Variants in NCAPG2 observed in about 807,000 individuals in gnomAD.
NCAPG2 encodes non-SMC condensin II complex subunit G2.
Under a neutral mutation model 141.1 loss-of-function variants are expected in NCAPG2, and 53 were observed. The ratio of observed to expected loss-of-function variants is 0.38; its 90% CI spans 0.30 to 0.47. The LOEUF (loss-of-function observed/expected upper bound fraction) is 0.47, where lower values mean the gene tolerates loss of function less well. NCAPG2 is among the 20% of genes least tolerant of loss of function. The pLI, the probability that NCAPG2 is intolerant of heterozygous loss-of-function variation, is 0.99. For missense variants in NCAPG2, 1,087 were observed against 1,389.0 expected (o/e 0.78, Z 3.46); for synonymous variants, 499 against 490.7 (o/e 1.02, Z -0.22).
At chr7:158,667,127 G>A (rs961557707) in intron 13 of NCAPG2, 33 of 984,634 alleles carry the variant, frequency 3.4e-5, no homozygotes, top group Admixed American at 1.2e-4. Flanking sequence ...TTGCATGCTC[G>A]TCACAAACCT....
chr7:158,641,623 A>G, intron 27 of NCAPG2: 3 of 486,258 alleles, frequency 6.2e-6, no homozygotes, highest in Non-Finnish European at 1.1e-5. Flanking sequence ...AAAACAAAGC[A>G]GGAGTAGTAG....
chr7:158,655,438 A>T lies in NCAPG2; in HGVS notation c.2406T>A (p.Leu802=). The change falls in exon 20 of 28, where the codon CTT becomes CTA. Residue 802 remains leucine (L), a synonymous_variant. Transcript: ENST00000356309. ...GAGGCTTCCCACCCGGTGTCTGCAG[A>T]AGTGACTCCAGATCTGCCTGTAATA... ...LETSKADLES[L]LQTPGGKPRG... is the part of the protein sequence containing the mutation. The T allele has an allele frequency of 3.7e-6, 6 of 1,614,062 alleles. No individual in the cohort carries two copies. The highest frequency in any genetic ancestry group is 5.1e-6 in the Non-Finnish European group (6 of 1,180,010).
chr7:158,686,152 A>G lies in NCAPG2; in HGVS notation c.837+20T>C. The G allele has an allele frequency of 6.9e-7, 1 of 1,448,478 alleles. No individual in the cohort carries two copies. The highest frequency in any genetic ancestry group is 9.4e-7 in the Non-Finnish European group (1 of 1,065,244). 89.7% of individuals were successfully genotyped at this position (1,448,478 alleles called of 1,614,324 possible). A position where few individuals can be genotyped will look rare whatever the true frequency, so the allele number is the denominator to read the frequency against. On this transcript the variant is annotated intron_variant, in intron 8 of 27. Coordinates refer to ENST00000356309, the MANE Select transcript of NCAPG2 (RefSeq NM_017760.7). ...AAATATAATAAAAATAAGTGTTAAC[A>G]TTTAAAAAAATGAAAATACCTCCAG...
chr7:158,646,411 G>T, intron 25 of NCAPG2, 49 bp downstream of exon 25: 1 of 1,378,906 alleles, frequency 7.3e-7, no homozygotes, highest in Non-Finnish European at 1.0e-6. Context: ...GCTGCTGAGC[G>T]CTTACAGCCA....
intron 24 of NCAPG2, among the ~76,000 whole-genome samples, chr7:158,649,524 T>A (rs1831320512): frequency 6.6e-6 from 1 of 152,032 alleles, no homozygotes; most frequent in African/African-American, 2.4e-5. Flanking sequence ...GGTCAAACAT[T>A]TTTTTTATCA....
chr7:158,688,864 G>A (rs990723029), intron 6 of NCAPG2, among the ~76,000 whole-genome samples: 8 of 152,190 alleles, frequency 5.3e-5, no homozygotes, highest in Non-Finnish European at 8.8e-5. Flanking sequence ...CTGAGCAGCT[G>A]TGACACCTGG....
chr7:158,677,491 C>T (rs1309213862), intron 11 of NCAPG2, among the ~76,000 whole-genome samples: 4 of 29,534 alleles, frequency 1.4e-4, no homozygotes, highest in Non-Finnish European at 2.7e-4. Flanking sequence ...TAAGAAAAAG[C>T]AAATAGGAAG....
intron 21 of NCAPG2, 171 bp from the exon 22 acceptor site, chr7:158,654,865 GA>G: frequency 1.3e-5 from 16 of 1,270,146 alleles, no homozygotes; most frequent in Non-Finnish European, 1.6e-5. Context: ...GTTTTTGTAA[GA>G]AATCTAGAGA....
intron 2 of NCAPG2, among the ~76,000 whole-genome samples, chr7:158,694,744 G>A (rs1227330771): frequency 1.3e-5 from 2 of 152,062 alleles, no homozygotes; most frequent in Non-Finnish European, 2.9e-5. Flanking sequence ...CTCTCTTCCT[G>A]CTCTCCTAGC....
chr7:158,677,524 G>GAAAAAAAAAAAAAAAA (rs1491491903), intron 11 of NCAPG2, among the ~76,000 whole-genome samples: 1 of 5,080 alleles, frequency 2.0e-4, no homozygotes, highest in Non-Finnish European at 4.1e-4. Flanking sequence ...TAAAAATAAA[G>GAAAAAAAAAAAAAAAA]CAAAAAAAAA....
intron 13 of NCAPG2, 109 bp downstream of exon 13, chr7:158,671,405 A>T: frequency 7.5e-7 from 1 of 1,334,698 alleles, no homozygotes; most frequent in Non-Finnish European, 1.1e-6. Context: ...AACTGGTCAA[A>T]TCATATCAGT....
chr7:158,693,318 G>T lies in NCAPG2; in HGVS notation c.258C>A (p.Gly86=). ...QGEDNMETEH[G]SKMRKSIEII... ...GAAAAACAAATACTACCATTTTTGA[G>T]CCATGTTCGGTTTCCATATTGTCTT... Residue 86 remains glycine (G), a synonymous_variant, in exon 3 of 28, where the codon GGC becomes GGA. Coordinates refer to ENST00000356309, the MANE Select transcript of NCAPG2 (RefSeq NM_017760.7). 1.9e-6 allele frequency: 3 copies of T among 1,603,166 alleles called. No individual in the cohort carries two copies. The highest frequency in any genetic ancestry group is 2.5e-6 in the Non-Finnish European group (3 of 1,177,624).
At chr7:158,635,502 G>C (rs1368790734) in intron 27 of NCAPG2, among the ~76,000 whole-genome samples, 1 of 152,028 alleles carries the variant, frequency 6.6e-6, no homozygotes, top group African/African-American at 2.4e-5. Context: ...CAAACCTTAA[G>C]AAATATATTA....
At chr7:158,692,772 A>C in intron 4 of NCAPG2, 70 bp downstream of exon 4, 1 of 997,246 alleles carries the variant, frequency 1.0e-6, no homozygotes, top group South Asian at 1.4e-5. Context: ...TGAATAAATA[A>C]AAACAGAAAC....
At position 158,676,538 on chromosome 7, in the gene NCAPG2, TA is replaced by T. The variant is rs201693417; in HGVS notation, c.1147-883del. On this transcript the variant is annotated intron_variant, in intron 11 of 27. Transcript: ENST00000356309. Reference sequence around the variant, plus strand: ...TCTTTAGCTGTGATCATGGCATGATTAAAAAAAAAATTATCTTTTATCAATA... The same window carrying T: ...TCTTTAGCTGTGATCATGGCATGATTAAAAAAAAATTATCTTTTATCAATA... Among the ~76,000 whole-genome samples, 36 of 150,992 alleles carry T rather than the reference TA, an allele frequency of 2.4e-4. 1 individual carries two copies. The highest frequency in any genetic ancestry group is 5.8e-4 in the East Asian group (3 of 5,138).
At position 158,633,167 on chromosome 7, in the gene NCAPG2, G is replaced by A. The variant is rs1228014509; in HGVS notation, c.3381-1450C>T. On this transcript the variant is annotated intron_variant, in intron 27 of 27. Coordinates refer to ENST00000356309, the MANE Select transcript of NCAPG2 (RefSeq NM_017760.7). This position sits in a 1 kb window ranked among gnomAD's most constrained non-coding sequence, Gnocchi z 4.1. ...TTTTTCCTATCGTTGTTGAATCACTGCTTCTCCTTGCTGTTAGGTCTCTCG... is the reference window on the plus strand; with the variant it reads ...TTTTTCCTATCGTTGTTGAATCACTACTTCTCCTTGCTGTTAGGTCTCTCG... 6.6e-6 allele frequency among the ~76,000 whole-genome samples: 1 copy of A among 152,046 alleles called. No individual in the cohort carries two copies. Among genetic ancestry groups the A allele is most frequent in the Non-Finnish European group, 1.5e-5 (1 of 68,026 alleles).
intron 27 of NCAPG2, among the ~76,000 whole-genome samples, chr7:158,643,820 A>G (rs1563496821): frequency 6.6e-6 from 1 of 152,380 alleles, no homozygotes; most frequent in East Asian, 1.9e-4. Flanking sequence ...CCCAGCTGCA[A>G]AGCAGCCCTA....
chr7:158,668,505 G>C (rs1449741039), intron 13 of NCAPG2: 1 of 838,994 alleles, frequency 1.2e-6, no homozygotes, highest in East Asian at 1.2e-4. Context: ...GAAATACAAA[G>C]AAAACAATAT....
chr7:158,670,722 C>T (rs554371307), intron 13 of NCAPG2, among the ~76,000 whole-genome samples: 6 of 152,302 alleles, frequency 3.9e-5, no homozygotes, highest in African/African-American at 1.4e-4. Context: ...ATCTTAGAGG[C>T]CTTTCCAAGG....
Sources: gnomAD v4.1 joint callset for allele counts (sites outside exome capture counted in the v4.1 genomes callset) on GRCh38, gnomAD v4.1.1 for gene constraint, Gnocchi (gnomAD v3.1) non-coding constraint, MANE v1.5 for transcripts, NCBI Gene and HGNC (gene_info 2026-07-23, HGNC 2026-07-21) for gene names.